Variants in PSPC1 observed in about 807,000 individuals in gnomAD.
PSPC1 encodes paraspeckle protein 1.
In PSPC1, 14 loss-of-function variants were observed where a neutral mutation model predicts 51.6. That is an observed-to-expected ratio of 0.27 (90% CI 0.18 to 0.42). The LOEUF (loss-of-function observed/expected upper bound fraction) is 0.42. Among genes scored for constraint, PSPC1 ranks in the 10% least tolerant of loss-of-function variants. PSPC1 has a pLI of 1.00. For synonymous variants in PSPC1, 193 were observed against 231.9 expected (o/e 0.83, Z 1.53); for missense variants, 406 against 701.1 (o/e 0.58, Z 4.75).
intron 6 of PSPC1, among the ~76,000 whole-genome samples, chr13:19,709,951 C>G (rs1348006508): frequency 6.6e-6 from 1 of 152,010 alleles, no homozygotes; most frequent in African/African-American, 2.4e-5. Context: ...CCACCAGAGC[C>G]AATTATTTTC....
At chr13:19,779,050 C>G (rs1163898426) in intron 1 of PSPC1, among the ~76,000 whole-genome samples, 4 of 130,212 alleles carry the variant, frequency 3.1e-5, no homozygotes, top group Non-Finnish European at 5.0e-5. Flanking sequence ...AGGAGCGCCT[C>G]TGCCCGGCCG....
At chr13:19,711,807 G>A (rs563042560) in intron 6 of PSPC1, among the ~76,000 whole-genome samples, 1 of 150,612 alleles carries the variant, frequency 6.6e-6, no homozygotes, top group Non-Finnish European at 1.5e-5. Flanking sequence ...TTGCACTATT[G>A]CACTCCAGCC....
chr13:19,683,996 C>G (rs1015534969), intron 6 of PSPC1, among the ~76,000 whole-genome samples: 3 of 152,052 alleles, frequency 2.0e-5, no homozygotes, highest in African/African-American at 4.8e-5. Flanking sequence ...ATTTCAAGTG[C>G]CCAGACCTGA....
At chr13:19,774,084 A>G (rs1304482402) in intron 1 of PSPC1, among the ~76,000 whole-genome samples, 2 of 152,202 alleles carry the variant, frequency 1.3e-5, no homozygotes, top group African/African-American at 4.8e-5. Context: ...AAGTGTACAT[A>G]TACACTTACT....
intron 1 of PSPC1, 71 bp from the exon 2 acceptor site, chr13:19,772,614 T>C (rs1399703924): frequency 1.4e-6 from 2 of 1,405,990 alleles, no homozygotes; most frequent in African/African-American, 2.9e-5. Context: ...GTTTGGCTTC[T>C]AGGGAGAACT....
intron 6 of PSPC1, among the ~76,000 whole-genome samples, chr13:19,712,362 T>C (rs2137793272): frequency 6.6e-6 from 1 of 152,316 alleles, no homozygotes. Context: ...TATTGGCCTA[T>C]GATTCACTGG....
chr13:19,769,560 A>T (rs1888423562), intron 2 of PSPC1, among the ~76,000 whole-genome samples: 1 of 151,808 alleles, frequency 6.6e-6, no homozygotes, highest in African/African-American at 2.4e-5. Flanking sequence ...CTCAAAAAAA[A>T]ACCCCGTCTT....
intron 6 of PSPC1, among the ~76,000 whole-genome samples, chr13:19,714,370 A>T (rs956780156): frequency 2.4e-4 from 36 of 152,202 alleles, no homozygotes; most frequent in African/African-American, 7.2e-4. Flanking sequence ...AAATAAATAC[A>T]TTAGCATTTT....
chr13:19,700,184 T>C (rs769763016), downstream of PSPC1, among the ~76,000 whole-genome samples: 10 of 152,098 alleles, frequency 6.6e-5, no homozygotes, highest in Non-Finnish European at 1.3e-4. Flanking sequence ...CACATTGCTA[T>C]TTAGCAATTA....
intron 4 of PSPC1, among the ~76,000 whole-genome samples, chr13:19,742,201 C>G (rs1378600840): frequency 6.9e-6 from 1 of 144,024 alleles, no homozygotes; most frequent in African/African-American, 2.5e-5. Context: ...TGGCTCACGC[C>G]TTATAATCCC....
rs186379786 is a variant in PSPC1 at position 19,765,823 on chromosome 13, T to C, written c.675-6405A>G. Among the ~76,000 whole-genome samples the C allele has an allele frequency of 4.5e-3, 692 of 152,224 alleles. 5 individuals carry two copies. Among genetic ancestry groups the C allele is most frequent in the South Asian group, 0.027 (129 of 4,820 alleles). ...GGGTTAATGTTGCTTTCCTAAAAAG[T>C]TAAGTAGCAATTTATACTTATCAGC... On this transcript the variant is annotated intron_variant, in intron 2 of 8. Coordinates refer to ENST00000338910, the MANE Select transcript of PSPC1 (RefSeq NM_001354909.2).
chr13:19,734,663 G>A (rs1320748396), intron 5 of PSPC1, among the ~76,000 whole-genome samples: 4 of 152,200 alleles, frequency 2.6e-5, no homozygotes, highest in South Asian at 2.1e-4. Context: ...CTAGCCTGGC[G>A]TGGTGGCAGG....
intron 1 of PSPC1, among the ~76,000 whole-genome samples, chr13:19,778,296 GA>G (rs139249316): frequency 0.16 from 15,693 of 100,758 alleles, 989 homozygotes; most frequent in Non-Finnish European, 0.21. Flanking sequence ...TTTTAAAAAA[GA>G]AAAAAATTAA....
At chr13:19,675,849 T>C (rs1247920753) in intron 7 of PSPC1, 1 of 152,236 alleles carries the variant, frequency 6.6e-6, no homozygotes, top group African/African-American at 2.4e-5. Flanking sequence ...CTTAACTCTT[T>C]ATAATAAAAG....
At position 19,723,428 on chromosome 13, in the gene PSPC1, T is replaced by C. The variant is rs117143133; in HGVS notation, c.1158+6811A>G. On this transcript the variant is annotated intron_variant, in intron 6 of 8. Transcript: ENST00000338910. The stretch of plus-strand genomic sequence containing the variant: ...CACAGAAAACCATTACTAATAATCA[T>C]AGCATATGATTAGGCTAACTATACC... 3.1e-3 allele frequency among the ~76,000 whole-genome samples: 465 copies of C among 152,336 alleles called. 1 individual carries two copies. The highest frequency in any genetic ancestry group is 4.9e-3 in the Non-Finnish European group (331 of 68,028).
intron 5 of PSPC1, among the ~76,000 whole-genome samples, chr13:19,734,574 G>A (rs955159341): frequency 1.3e-5 from 2 of 152,148 alleles, no homozygotes; most frequent in East Asian, 1.9e-4. Context: ...GGCCAAGGCC[G>A]GCAGATCACC....
At chr13:19,708,379 A>G (rs1565979703) in intron 7 of PSPC1, among the ~76,000 whole-genome samples, 2 of 152,256 alleles carry the variant, frequency 1.3e-5, no homozygotes, top group Non-Finnish European at 2.9e-5. Context: ...TTTTAGCTTC[A>G]TAACACCTTT....
At chr13:19,741,860 G>A (rs1238746794) in intron 4 of PSPC1, among the ~76,000 whole-genome samples, 11 of 152,156 alleles carry the variant, frequency 7.2e-5, no homozygotes, top group East Asian at 1.9e-4. Flanking sequence ...GGCCAGGTGC[G>A]GTGGCCCACG....
At chr13:19,678,783 G>T (rs906718699) in intron 6 of PSPC1, 2 of 152,230 alleles carry the variant, frequency 1.3e-5, no homozygotes, top group Admixed American at 1.3e-4. Flanking sequence ...TTGAGAGAGG[G>T]TCTCACTTTG....
Sources: allele counts gnomAD v4.1 joint callset (sites outside exome capture counted in the v4.1 genomes callset), GRCh38; gene constraint gnomAD v4.1.1; transcripts MANE v1.5; gene names NCBI Gene and HGNC (gene_info 2026-07-23, HGNC 2026-07-21).